Variants in NOTCH2 observed in about 807,000 individuals in gnomAD.
The protein encoded by NOTCH2 is notch receptor 2.
NOTCH2 carries 29 observed loss-of-function variants against 235.8 expected under a neutral mutation model. That is an observed-to-expected ratio of 0.12 (90% CI 0.09 to 0.17). The LOEUF (loss-of-function observed/expected upper bound fraction) is 0.17. NOTCH2 is among the 10% of genes least tolerant of loss of function. NOTCH2 has a pLI of 1.00. For missense variants in NOTCH2, 2,285 were observed against 3,150.2 expected, an observed-to-expected ratio of 0.73 and a Z score of 6.57; for synonymous variants, 1,086 against 1,141.5, an observed-to-expected ratio of 0.95 and a Z score of 0.98.
At chr1:119,977,083 T>C (rs1651612630) in intron 5 of NOTCH2, among the ~76,000 whole-genome samples, 1 of 152,114 alleles carries the variant, frequency 6.6e-6, no homozygotes, top group African/African-American at 2.4e-5. Context: ...CATGAAGAAA[T>C]GGGGGGTAGC....
intron 21 of NOTCH2, among the ~76,000 whole-genome samples, chr1:119,936,543 A>T (rs1362831472): frequency 1.3e-5 from 2 of 152,200 alleles, no homozygotes; most frequent in African/African-American, 4.8e-5. Flanking sequence ...TGGGTTTGGC[A>T]CTGGTAGGCT....
chr1:119,920,216 G>A lies in NOTCH2; in HGVS notation c.5479+13C>T. The A allele has an allele frequency of 6.2e-7, 1 of 1,613,766 alleles. No homozygotes were observed. Among genetic ancestry groups the A allele is most frequent in the Non-Finnish European group, 8.5e-7 (1 of 1,179,866 alleles). On this transcript the variant is annotated intron_variant, in intron 30 of 33. Coordinates refer to ENST00000256646, the MANE Select transcript of NOTCH2 (RefSeq NM_024408.4). ...CACAGCCCAGTGAAGAGGGGAAGAG[G>A]CCCGGTGCTGACCTGGGCCACGGAC...
intron 4 of NOTCH2, chr1:119,996,641 ACCAC>A: frequency 2.4e-6 from 2 of 827,450 alleles, no homozygotes. Flanking sequence ...CACTTTATTA[ACCAC>A]ACATACATAT....
At chr1:120,043,218 G>A (rs1201464677) in intron 1 of NOTCH2, among the ~76,000 whole-genome samples, 1 of 147,250 alleles carries the variant, frequency 6.8e-6, no homozygotes, top group African/African-American at 2.6e-5. Context: ...GCATTCTATG[G>A]CTTGTGTGAA....
At chr1:119,961,355 A>T (rs1650929978) in intron 11 of NOTCH2, among the ~76,000 whole-genome samples, 1 of 152,220 alleles carries the variant, frequency 6.6e-6, no homozygotes, top group Non-Finnish European at 1.5e-5. Context: ...CCTCAAACTA[A>T]GAAGGCAGCA....
Position 119,999,895 on chromosome 1 carries a change from G to GAGAGAGAA in NOTCH2, c.416-2571_416-2564dup, listed in dbSNP as rs1160103872. ...AGACAGACAGAAAGAGAGAGGGAAA[G>GAGAGAGAA]AGAGAGAAAGAGAGAAAGAGAGAGA... On this transcript the variant is annotated intron_variant, in intron 3 of 33. Coordinates refer to ENST00000256646, the MANE Select transcript of NOTCH2 (RefSeq NM_024408.4). Among the ~76,000 whole-genome samples the GAGAGAGAA allele has an allele frequency of 4.1e-5, 6 of 145,546 alleles. No individual in the cohort carries two copies. In the South Asian group the frequency reaches 1.4e-3, roughly 33 times the overall value.
intron 4 of NOTCH2, chr1:119,995,496 A>G (rs587668156): frequency 6.6e-6 from 1 of 152,384 alleles, no homozygotes; most frequent in Admixed American, 6.5e-5. Context: ...CAATATTGAA[A>G]TATTTTCAAA....
chr1:119,966,767 G>A (rs1651153221), intron 8 of NOTCH2, among the ~76,000 whole-genome samples: 1 of 152,204 alleles, frequency 6.6e-6, no homozygotes, highest in Non-Finnish European at 1.5e-5. Context: ...CACATTTTCT[G>A]TGATAAATCC....
chr1:119,984,072 T>C (rs916973583), intron 5 of NOTCH2, among the ~76,000 whole-genome samples: 3 of 152,144 alleles, frequency 2.0e-5, no homozygotes, highest in Admixed American at 6.6e-5. Context: ...AAAGTTGCAA[T>C]AGGCTATTAG....
chr1:119,938,004 C>T lies in NOTCH2; in HGVS notation c.3190G>A (p.Val1064Met), dbSNP rs373969789. ...GYTGKNCQTL[V>M]NLCSRSPCKN... is the part of the protein sequence containing the mutation. Reference sequence around the variant, plus strand: ...CATGGAGACCGACTGCAGAGATTCACCAGGGTCTGAAACAGAGGCAGGGGT... The same window carrying T: ...CATGGAGACCGACTGCAGAGATTCATCAGGGTCTGAAACAGAGGCAGGGGT... The change falls in exon 20 of 34, where the codon GTG becomes ATG. Residue 1064 changes from valine (V) to methionine (M), a missense_variant. By Grantham distance (21) the Val-to-Met change is conservative. Coordinates refer to ENST00000256646, the MANE Select transcript of NOTCH2 (RefSeq NM_024408.4). 8.7e-6 allele frequency: 14 copies of T among 1,614,082 alleles called. No homozygotes were observed. The highest frequency in any genetic ancestry group is 1.1e-5 in the Non-Finnish European group (13 of 1,179,988).
chr1:119,987,900 C>T (rs1652082215), intron 4 of NOTCH2, among the ~76,000 whole-genome samples: 2 of 152,168 alleles, frequency 1.3e-5, no homozygotes, highest in African/African-American at 4.8e-5. Context: ...CACCAAACTT[C>T]ACTCTAACTG....
At chr1:120,025,356 A>G (rs1653801070) in intron 2 of NOTCH2, among the ~76,000 whole-genome samples, 1 of 152,048 alleles carries the variant, frequency 6.6e-6, no homozygotes, top group Non-Finnish European at 1.5e-5. Flanking sequence ...TGAACACCTC[A>G]GGGCTTGGTA....
chr1:119,921,090 C>T (rs757989176), intron 29 of NOTCH2, among the ~76,000 whole-genome samples: 8 of 152,196 alleles, frequency 5.3e-5, no homozygotes, highest in Non-Finnish European at 1.0e-4. Flanking sequence ...TACTAAGCGG[C>T]AGAGTTTTGG....
chr1:120,000,930 G>T (rs1570733921), intron 3 of NOTCH2, among the ~76,000 whole-genome samples: 1 of 151,846 alleles, frequency 6.6e-6, no homozygotes, highest in East Asian at 1.9e-4. Flanking sequence ...AACTTGAATT[G>T]TATCTCCCAG....
intron 1 of NOTCH2, among the ~76,000 whole-genome samples, chr1:120,042,167 A>G (rs1254134290): frequency 9.8e-6 from 1 of 102,130 alleles, no homozygotes; most frequent in Non-Finnish European, 1.9e-5. Context: ...CAGCTATAAT[A>G]CCATGGTAAG....
chr1:119,945,596 G>A (rs2101110827), intron 17 of NOTCH2, among the ~76,000 whole-genome samples: 1 of 152,162 alleles, frequency 6.6e-6, no homozygotes, highest in South Asian at 2.1e-4. Context: ...AGACTTCAGA[G>A]AGAGAAATAT....
chr1:119,917,795 T>A (rs1201498359), intron 32 of NOTCH2, 33 bp from the exon 33 acceptor site: 1 of 1,233,412 alleles, frequency 8.1e-7, no homozygotes, highest in East Asian at 2.3e-5. Flanking sequence ...TAAACAGACA[T>A]ATCCTACTCT....
chr1:119,948,664 T>TCAA, intron 16 of NOTCH2, 98 bp from the exon 17 acceptor site: 2 of 1,397,830 alleles, frequency 1.4e-6, no homozygotes, highest in Non-Finnish European at 2.0e-6. Context: ...ATGGAGCTAT[T>TCAA]CCACAGACAA....
intron 1 of NOTCH2, among the ~76,000 whole-genome samples, chr1:120,038,196 G>C (rs1570773028): frequency 6.6e-6 from 1 of 152,264 alleles, no homozygotes; most frequent in East Asian, 1.9e-4. Flanking sequence ...TTGGAGATGA[G>C]ACTAATGTAT....
Sources: allele counts gnomAD v4.1 joint callset (sites outside exome capture counted in the v4.1 genomes callset), GRCh38; gene constraint gnomAD v4.1.1; transcripts MANE v1.5; gene names NCBI Gene and HGNC (gene_info 2026-07-23, HGNC 2026-07-21).